The following SMAD3 variants were observed in gnomAD, a reference collection of about 807,000 sequenced individuals.
SMAD3 encodes MAD homolog 3.
Under a neutral mutation model 51.8 loss-of-function variants are expected in SMAD3, and 12 were observed. The ratio of observed to expected loss-of-function variants is 0.23; its 90% confidence interval spans 0.15 to 0.38. The LOEUF (loss-of-function observed/expected upper bound fraction) is 0.38. Among genes scored for constraint, SMAD3 ranks in the 10% least tolerant of loss-of-function variants. The pLI is 1.00. For missense variants in SMAD3, 294 were observed against 565.6 expected (o/e 0.52, Z 4.87); for synonymous variants, 238 against 227.7 (o/e 1.05, Z -0.41).
chr15:67,190,436 C>A lies in SMAD3; in HGVS notation c.1178C>A (p.Pro393His). Residue 393 changes from proline (P) to histidine (H), a missense_variant, in exon 9 of 9, where the codon CCC becomes CAC. Physicochemically the swap from Pro to His is moderately conservative, Grantham distance 77. Around this residue, in one of 3 missense-constraint regions of SMAD3, gnomAD observed 118 missense variants for 278.0 expected, o/e 0.42. Coordinates refer to ENST00000327367, the MANE Select transcript of SMAD3 (RefSeq NM_005902.4). ...AGGAGACAGACTGTGACCAGTACCC[C>A]CTGCTGGATTGAGCTGCACCTGAAT... ...EYRRQTVTST[P>H]CWIELHLNGP... 6.2e-7 allele frequency: 1 copy of A among 1,614,126 alleles called. No individual in the cohort carries two copies. The highest frequency in any genetic ancestry group is 8.5e-7 in the Non-Finnish European group (1 of 1,180,008).
At chr15:67,167,971 C>T (rs1003508690) in intron 4 of SMAD3, among the ~76,000 whole-genome samples, 1 of 152,198 alleles carries the variant, frequency 6.6e-6, no homozygotes, top group African/African-American at 2.4e-5. Context: ...CCCACCTTTC[C>T]CAGACAGAGT....
chr15:67,140,648 G>A (rs1188993439), intron 1 of SMAD3, among the ~76,000 whole-genome samples: 2 of 152,164 alleles, frequency 1.3e-5, no homozygotes, highest in Non-Finnish European at 2.9e-5. Flanking sequence ...AATGACACCA[G>A]GTCAACACAT....
At chr15:67,187,605 C>T in intron 8 of SMAD3, 96 bp downstream of exon 8, 1 of 1,487,194 alleles carries the variant, frequency 6.7e-7, no homozygotes, top group Non-Finnish European at 9.4e-7. Flanking sequence ...CTAGGCCAGC[C>T]CTAGCGTCAA....
chr15:67,182,996 A>T (rs867988498), intron 6 of SMAD3, among the ~76,000 whole-genome samples: 577 of 54,736 alleles, frequency 0.011, 4 homozygotes, highest in African/African-American at 0.029. Flanking sequence ...TAAAAAAAAA[A>T]AAAAATATAT....
At chr15:67,167,422 C>T (rs1225544934) in intron 4 of SMAD3, among the ~76,000 whole-genome samples, 1 of 152,086 alleles carries the variant, frequency 6.6e-6, no homozygotes. Flanking sequence ...GTGTGGTGGA[C>T]CTTCAAGCTA....
chr15:67,123,499 C>CA (rs34316530), intron 1 of SMAD3, among the ~76,000 whole-genome samples: 12 of 151,068 alleles, frequency 7.9e-5, no homozygotes, highest in African/African-American at 2.2e-4. Flanking sequence ...AACTCCGTCT[C>CA]AAAAAAAAGG....
intron 6 of SMAD3, 72 bp from the exon 7 acceptor site, chr15:67,184,655 A>T (rs1480187025): frequency 6.3e-7 from 1 of 1,581,712 alleles, no homozygotes; most frequent in Admixed American, 1.7e-5. Context: ...CTCCTTTGCG[A>T]GCCTCAGGTG....
intron 1 of SMAD3, among the ~76,000 whole-genome samples, chr15:67,087,052 C>A (rs1449639021): frequency 6.6e-6 from 1 of 152,088 alleles, no homozygotes; most frequent in Non-Finnish European, 1.5e-5. Context: ...CCTGCCACCA[C>A]ACCTGGCTAA....
chr15:67,108,507 C>T (rs1341271132), intron 1 of SMAD3, among the ~76,000 whole-genome samples: 1 of 152,180 alleles, frequency 6.6e-6, no homozygotes, highest in Non-Finnish European at 1.5e-5. Flanking sequence ...CCTTCAGATG[C>T]CCCCTCCTCC....
chr15:67,077,964 CA>C (rs1186627272), intron 1 of SMAD3: 1 of 152,202 alleles, frequency 6.6e-6, no homozygotes, highest in African/African-American at 2.4e-5. Context: ...TGAAAGCCAC[CA>C]CTCTATCGTT....
At chr15:67,176,705 G>A (rs371584490) in intron 5 of SMAD3, among the ~76,000 whole-genome samples, 4 of 152,226 alleles carry the variant, frequency 2.6e-5, no homozygotes, top group African/African-American at 7.2e-5. Context: ...CAGCCAATGC[G>A]TTAGGCTGGC....
At position 67,105,155 on chromosome 15, in the gene SMAD3, G is replaced by A. The variant is rs148582343; in HGVS notation, c.206+38795G>A. Among the ~76,000 whole-genome samples, 728 of 152,326 alleles carry A rather than the reference G, an allele frequency of 4.8e-3. 6 individuals are homozygous for A. The highest frequency in any genetic ancestry group is 0.017 in the African/African-American group (686 of 41,554). On this transcript the variant is annotated intron_variant, in intron 1 of 8. Transcript: ENST00000327367. Reference sequence around the variant, plus strand: ...CTGGAGTTTTTGTCTCAGCTCTGTTGTGTGACCTTAGGCAAGTCAGTTGAC... The same window carrying A: ...CTGGAGTTTTTGTCTCAGCTCTGTTATGTGACCTTAGGCAAGTCAGTTGAC...
chr15:67,179,763 C>T lies in SMAD3; in HGVS notation c.659-1478C>T, dbSNP rs113665050. Among the ~76,000 whole-genome samples, 878 of 152,200 alleles carry T rather than the reference C, an allele frequency of 5.8e-3. 12 individuals carry two copies. Among genetic ancestry groups the T allele is most frequent in the African/African-American group, 0.021 (852 of 41,532 alleles). ...GGATCCTCCCAGTGGGTTCCCCCTC[C>T]TAGACGTTGCCTGGCATCCAGTGAG... On this transcript the variant is annotated intron_variant, in intron 5 of 8. Transcript: ENST00000327367.
At chr15:67,119,465 C>T (rs557586301) in intron 1 of SMAD3, among the ~76,000 whole-genome samples, 41 of 152,118 alleles carry the variant, frequency 2.7e-4, no homozygotes, top group African/African-American at 9.4e-4. Flanking sequence ...GGTGGGGGTG[C>T]CACAGAGTGG....
intron 1 of SMAD3, chr15:67,138,078 C>T (rs868026656): frequency 3.0e-5 from 47 of 1,551,596 alleles, no homozygotes; most frequent in African/African-American, 3.0e-4. Context: ...TCTGGTACAC[C>T]GGAAAGCATG....
At chr15:67,127,151 G>C (rs977586018) in intron 1 of SMAD3, among the ~76,000 whole-genome samples, 7 of 152,186 alleles carry the variant, frequency 4.6e-5, no homozygotes, top group Non-Finnish European at 8.8e-5. Context: ...CCAGACACCG[G>C]CATAAACCCA....
intron 1 of SMAD3, among the ~76,000 whole-genome samples, chr15:67,079,656 T>C (rs1350812174): frequency 6.6e-6 from 1 of 152,172 alleles, no homozygotes; most frequent in African/African-American, 2.4e-5. Flanking sequence ...CTCCTTGATC[T>C]TATTTACTTA....
chr15:67,080,965 C>G (rs1290118108), intron 1 of SMAD3, among the ~76,000 whole-genome samples: 1 of 152,196 alleles, frequency 6.6e-6, no homozygotes, highest in Non-Finnish European at 1.5e-5. Context: ...TCCAACCAGA[C>G]TGTTGCTGTG....
intron 8 of SMAD3, among the ~76,000 whole-genome samples, chr15:67,188,107 GACTTTTTTAGAGTCCTACAT>G (rs1366232502): frequency 1.3e-5 from 2 of 150,756 alleles, no homozygotes; most frequent in African/African-American, 4.9e-5. Flanking sequence ...GCTGAGAAAT[GACTTTTTTAGAGTCCTACAT>G]ACTGGTTTCT....
Sources: allele counts gnomAD v4.1 joint callset (sites outside exome capture counted in the v4.1 genomes callset), GRCh38; gene constraint gnomAD v4.1.1; regional missense constraint gnomAD v4.1.1; transcripts MANE v1.5; gene names NCBI Gene and HGNC (gene_info 2026-07-23, HGNC 2026-07-21).